Variants in B4GALT3 observed in about 807,000 individuals in gnomAD.
B4GALT3 encodes the protein beta-1,4-galactosyltransferase 3.
A neutral mutation model predicts 40.7 loss-of-function variants in B4GALT3; 29 were observed. The observed-to-expected ratio is 0.71, with a 90% CI of 0.53 to 0.97. The LOEUF is 0.97. Among genes scored for constraint, B4GALT3 ranks in the 50% least tolerant of loss-of-function variants. The pLI, the probability that B4GALT3 is intolerant of heterozygous loss-of-function variation, is 0.00. For synonymous variants in B4GALT3, 182 were observed against 203.9 expected, an observed-to-expected ratio of 0.89 and a Z score of 0.92; for missense variants, 390 against 522.3, an observed-to-expected ratio of 0.75 and a Z score of 2.47.
Position 161,171,383 on chromosome 1 carries a change from A to C in B4GALT3, c.*433T>G. 1 of 862,934 alleles carries C rather than the reference A, an allele frequency of 1.2e-6. No homozygotes were observed. The highest frequency in any genetic ancestry group is 1.8e-6 in the Non-Finnish European group (1 of 566,034). The allele number at this position is 862,934 out of a possible 1,614,324, so 53.5% of individuals were successfully genotyped here. A position where few individuals can be genotyped will look rare whatever the true frequency, so the allele number is the denominator to read the frequency against. ...TGAGCCAGGACCAGAAGAGGGAGCTATTCCAGCATAGGCAGAAAATGCCCA... is the reference window on the plus strand; with the variant it reads ...TGAGCCAGGACCAGAAGAGGGAGCTCTTCCAGCATAGGCAGAAAATGCCCA... On this transcript the variant is annotated 3_prime_UTR_variant, in exon 8 of 8. Coordinates refer to ENST00000319769, the MANE Select transcript of B4GALT3 (RefSeq NM_003779.4).
In B4GALT3 at chr1:161,175,791, C is replaced by G; in HGVS notation, c.253+17G>C. ...ACCTTGTCCTTCCTTTCACCACCTC[C>G]TTCCTCCTGCACTTACCTAAGAGAG... On this transcript the variant is annotated intron_variant, in intron 3 of 7. Transcript: ENST00000319769. 1 of 1,609,900 alleles carries G rather than the reference C, an allele frequency of 6.2e-7. No homozygotes were observed. The highest frequency in any genetic ancestry group is 1.1e-5 in the South Asian group (1 of 90,996).
Position 161,172,016 on chromosome 1 carries a change from C to T in B4GALT3, c.982G>A (p.Ala328Thr). ...GTATAAAGAGGCCCCAGCTCTCGAG[C>T]CAGCAACTGGTATGTCAGTGAGTTC... ...GMNSLTYQLLARELGPLYTNI... is the reference protein window; with the variant it reads ...GMNSLTYQLLTRELGPLYTNI... Residue 328 changes from alanine (A) to threonine (T), a missense_variant, in exon 8 of 8, where the codon GCT becomes ACT. By Grantham distance (58) the Ala-to-Thr change is moderately conservative (BLOSUM62 0). This residue lies in a region of B4GALT3 where 135 missense variants were observed against 227.8 expected (regional missense o/e 0.59). Coordinates refer to ENST00000319769, the MANE Select transcript of B4GALT3 (RefSeq NM_003779.4). The T allele has an allele frequency of 2.0e-5, 32 of 1,614,122 alleles. No homozygotes were observed. The highest frequency in any genetic ancestry group is 2.6e-5 in the Non-Finnish European group (31 of 1,180,012).
At chr1:161,176,250 T>C in intron 2 of B4GALT3, 176 bp from the exon 3 acceptor site, 1 of 710,444 alleles carries the variant, frequency 1.4e-6, no homozygotes, top group Non-Finnish European at 2.3e-6. Flanking sequence ...TAACCACCAG[T>C]AACCCTACCA....
chr1:161,174,061 T>C lies in B4GALT3; in HGVS notation c.490-12A>G. The C allele has an allele frequency of 1.2e-6, 2 of 1,611,626 alleles. No individual in the cohort carries two copies. Among genetic ancestry groups the C allele is most frequent in the South Asian group, 1.1e-5 (1 of 90,842 alleles). ...GTTCCATTTCCAGCCTGGAAGATAA[T>C]GGAGGGGAACCAGACTATGTCTGTA... On this transcript the variant is annotated splice_polypyrimidine_tract_variant and intron_variant, in intron 4 of 7. Transcript: ENST00000319769.
chr1:161,175,762 C>G (rs539994285), intron 3 of B4GALT3, 46 bp downstream of exon 3: 3 of 1,602,408 alleles, frequency 1.9e-6, no homozygotes, highest in East Asian at 2.2e-5. Context: ...CTCCCTGTCT[C>G]CGCACCTTGT....
At chr1:161,177,393 T>C (rs570876100) in intron 1 of B4GALT3, 30 bp downstream of exon 1, 101 of 284,030 alleles carry the variant, frequency 3.6e-4, no homozygotes, top group Non-Finnish European at 6.0e-4. Flanking sequence ...ATCCCAGGCC[T>C]CCGTGTCGAC....
At position 161,173,885 on chromosome 1, in the gene B4GALT3, G is replaced by A. The variant is rs755642811; in HGVS notation, c.654C>T (p.Ala218=). The A allele has an allele frequency of 4.3e-6, 7 of 1,613,928 alleles. No individual in the cohort carries two copies. Among genetic ancestry groups the A allele is most frequent in the East Asian group, 2.2e-5 (1 of 44,896 alleles). ...VCDPRGPRHV[A]VAMNKFGYSL... ...TGTATCCAAACTTGTTCATAGCAAC[G>A]GCAACATGGCGGGGTCCCCGGGGGT... Residue 218 remains alanine (A), a synonymous_variant, in exon 5 of 8, where the codon GCC becomes GCT. Coordinates refer to ENST00000319769, the MANE Select transcript of B4GALT3 (RefSeq NM_003779.4).
chr1:161,175,280 A>G, intron 3 of B4GALT3, 52 bp from the exon 4 acceptor site: 1 of 1,523,042 alleles, frequency 6.6e-7, no homozygotes, highest in Non-Finnish European at 9.0e-7. Context: ...AGAGAAAAGA[A>G]TCAAACTAGG....
intron 6 of B4GALT3, 189 bp from the exon 7 acceptor site, chr1:161,172,520 C>T (rs1459574495): frequency 3.4e-6 from 2 of 590,240 alleles, no homozygotes; most frequent in Non-Finnish European, 5.8e-6. Context: ...GTATCCAAAT[C>T]CTCAGGGCCC....
At chr1:161,177,270 A>T (rs1159030583) in intron 1 of B4GALT3, 153 bp downstream of exon 1, 2 of 594,842 alleles carry the variant, frequency 3.4e-6, no homozygotes, top group African/African-American at 3.7e-5. Flanking sequence ...ACCTACTAGC[A>T]ACGTGAGCCC....
Position 161,173,852 on chromosome 1 carries a change from C to A in B4GALT3, c.680+7G>T, listed in dbSNP as rs1463362240. On this transcript the variant is annotated splice_region_variant and intron_variant, in intron 5 of 7. Coordinates refer to ENST00000319769, the MANE Select transcript of B4GALT3 (RefSeq NM_003779.4). The stretch of plus-strand genomic sequence containing the variant: ...CCTGTTTCCCAGTACCCTTCCATGC[C>A]CTCTACCTGTATCCAAACTTGTTCA... 6.2e-7 allele frequency: 1 copy of A among 1,613,130 alleles called. No individual in the cohort carries two copies. Among genetic ancestry groups the A allele is most frequent in the Non-Finnish European group, 8.5e-7 (1 of 1,179,374 alleles).
At chr1:161,174,178 C>T (rs970981996) in intron 4 of B4GALT3, 129 bp from the exon 5 acceptor site, 35 of 937,882 alleles carry the variant, frequency 3.7e-5, no homozygotes, top group Non-Finnish European at 4.9e-5. Flanking sequence ...GAGGCCAAGG[C>T]AGGCAGATCA....
At chr1:161,176,268 C>A in intron 2 of B4GALT3, 166 bp downstream of exon 2, 1 of 658,522 alleles carries the variant, frequency 1.5e-6, no homozygotes, top group Non-Finnish European at 2.5e-6. Flanking sequence ...CCACCTGTCA[C>A]TTCAGCCCAA....
chr1:161,172,604 TG>T (rs1348998388), intron 6 of B4GALT3, among the ~76,000 whole-genome samples: 1 of 152,176 alleles, frequency 6.6e-6, no homozygotes, highest in East Asian at 1.9e-4. Flanking sequence ...TCCTAGGAGC[TG>T]CCCTTGCAGT....
At position 161,173,631 on chromosome 1, in the gene B4GALT3, A is replaced by G; in HGVS notation, c.777T>C (p.Gly259=). Residue 259 remains glycine, a synonymous_variant, in exon 6 of 8, where the codon GGT becomes GGC. Coordinates refer to ENST00000319769, the MANE Select transcript of B4GALT3 (RefSeq NM_003779.4). Reference sequence around the variant, plus strand: ...TGGTAGCAATGTCGTCATCCTCACCACCCCAGCCCCAGTATTCATTGGGGA... The same window carrying G: ...TGGTAGCAATGTCGTCATCCTCACCGCCCCAGCCCCAGTATTCATTGGGGA... ...NGFPNEYWGW[G]GEDDDIATRV... is the part of the protein sequence containing the mutation. The G allele has an allele frequency of 1.9e-6, 3 of 1,613,828 alleles. No individual in the cohort carries two copies. The highest frequency in any genetic ancestry group is 2.5e-6 in the Non-Finnish European group (3 of 1,179,956).
chr1:161,177,954 T>G (rs908285766), upstream of B4GALT3: 3 of 152,202 alleles, frequency 2.0e-5, no homozygotes, highest in African/African-American at 4.8e-5. Flanking sequence ...TGTATTCCCG[T>G]TGTATCCCGC....
chr1:161,173,262 CT>C (rs750962967), intron 6 of B4GALT3, among the ~76,000 whole-genome samples: 77 of 152,288 alleles, frequency 5.1e-4, no homozygotes, highest in Non-Finnish European at 1.0e-3. Flanking sequence ...AGCAGAGCCC[CT>C]CTCTCCTAAC....
At chr1:161,177,331 C>T (rs933434628) in intron 1 of B4GALT3, 92 bp downstream of exon 1, 42 of 503,470 alleles carry the variant, frequency 8.3e-5, no homozygotes, top group East Asian at 7.9e-4. Context: ...TGCTCAGGCT[C>T]GTCTCCAGGC....
chr1:161,176,968 C>T (rs902371453), intron 1 of B4GALT3: 2 of 1,536,014 alleles, frequency 1.3e-6, no homozygotes, highest in Admixed American at 2.0e-5. Flanking sequence ...GGTGCCAACT[C>T]CTCAGGTGCA....
Sources: gnomAD v4.1 joint callset for allele counts (sites outside exome capture counted in the v4.1 genomes callset) on GRCh38, gnomAD v4.1.1 for gene constraint, gnomAD v4.1.1 regional missense constraint, MANE v1.5 for transcripts, NCBI Gene and HGNC (gene_info 2026-07-23, HGNC 2026-07-21) for gene names.